FSTL4: variants seen among roughly 807,000 people sequenced by gnomAD.
FSTL4 encodes the protein follistatin like 4.
In FSTL4, 28 loss-of-function variants were observed where a neutral mutation model predicts 78.2. That is an observed-to-expected ratio of 0.36 (90% confidence interval 0.27 to 0.49). The LOEUF (loss-of-function observed/expected upper bound fraction) is 0.49. Ranked by LOEUF, FSTL4 falls within the 20% of genes least tolerant of loss-of-function variation. The pLI is 0.98. For missense variants in FSTL4, 922 were observed against 1,084.9 expected (o/e 0.85, Z 2.11); for synonymous variants, 422 against 440.5 (o/e 0.96, Z 0.53).
At chr5:133,739,752 CAAT>C in the FSTL4 span, among the ~76,000 whole-genome samples, 2 of 152,198 alleles carry the variant, frequency 1.3e-5, no homozygotes, top group African/African-American at 4.8e-5. Flanking sequence ...TTAATCTTTA[CAAT>C]AATACCTTCC....
intron 3 of FSTL4, among the ~76,000 whole-genome samples, chr5:133,500,304 C>T (rs1366884967): frequency 6.6e-6 from 1 of 152,132 alleles, no homozygotes; most frequent in Non-Finnish European, 1.5e-5. Context: ...TTTTGTATGC[C>T]AACGACCCTT....
At chr5:133,371,838 G>A (rs925984614) in intron 4 of FSTL4, among the ~76,000 whole-genome samples, 10 of 152,172 alleles carry the variant, frequency 6.6e-5, no homozygotes, top group African/African-American at 1.4e-4. Flanking sequence ...GTCAGACCTC[G>A]CTCCCGGGGC....
intron 6 of FSTL4, among the ~76,000 whole-genome samples, chr5:133,301,437 G>A (rs758155666): frequency 1.3e-5 from 2 of 152,156 alleles, no homozygotes; most frequent in African/African-American, 2.4e-5. Context: ...AGGCTCTGGA[G>A]AGTCATCAGC....
chr5:133,841,271 C>T, the FSTL4 span, among the ~76,000 whole-genome samples: 1 of 152,204 alleles, frequency 6.6e-6, no homozygotes, highest in Non-Finnish European at 1.5e-5. Context: ...CCACTACCAC[C>T]ATCACCCCTA....
the FSTL4 span, among the ~76,000 whole-genome samples, chr5:133,704,715 AC>A: frequency 1.3e-5 from 2 of 151,942 alleles, no homozygotes; most frequent in Non-Finnish European, 2.9e-5. Flanking sequence ...GCTTCACTCC[AC>A]CCCCTGGGGT....
At chr5:133,825,027 G>T in the FSTL4 span, among the ~76,000 whole-genome samples, 1 of 152,150 alleles carries the variant, frequency 6.6e-6, no homozygotes, top group African/African-American at 2.4e-5. Flanking sequence ...CAACCACAGG[G>T]CAAGAGTCCG....
chr5:133,231,834 C>T (rs1222542424), intron 8 of FSTL4, among the ~76,000 whole-genome samples: 3 of 152,192 alleles, frequency 2.0e-5, no homozygotes, highest in East Asian at 1.9e-4. Context: ...GCCAGCACAC[C>T]GGCCTCATTT....
intron 8 of FSTL4, among the ~76,000 whole-genome samples, chr5:133,227,806 C>T (rs545645312): frequency 6.6e-6 from 1 of 152,064 alleles, no homozygotes; most frequent in Non-Finnish European, 1.5e-5. Flanking sequence ...ACAAAACAGC[C>T]AAATTCCTGG....
the FSTL4 span, among the ~76,000 whole-genome samples, chr5:133,701,559 G>C: frequency 6.6e-6 from 1 of 150,606 alleles, no homozygotes; most frequent in Non-Finnish European, 1.5e-5. Context: ...GAGGAATGCA[G>C]GTGACCATGG....
the FSTL4 span, among the ~76,000 whole-genome samples, chr5:133,785,188 A>C: frequency 3.8e-4 from 58 of 152,336 alleles, no homozygotes; most frequent in Non-Finnish European, 7.2e-4. Flanking sequence ...CACTGAGGAC[A>C]TGCTGGTGAG....
rs59429459 is a variant in FSTL4 at position 133,512,280 on chromosome 5, G to A, written c.160+54906C>T. ...GTAGTCCAACACACAGTTCAGACTC[G>A]ATACTGATCATACAAATCTCCCCAC... is the stretch of plus-strand genomic sequence containing the variant. On this transcript the variant is annotated intron_variant, in intron 3 of 15. Transcript: ENST00000265342. Among the ~76,000 whole-genome samples the A allele has an allele frequency of 1.8e-3, 278 of 152,296 alleles. 1 individual carries two copies. The highest frequency in any genetic ancestry group is 6.4e-3 in the African/African-American group (265 of 41,554).
At chr5:133,541,927 G>GACACACAC (rs61471971) in intron 3 of FSTL4, among the ~76,000 whole-genome samples, 1,894 of 148,286 alleles carry the variant, frequency 0.013, 27 homozygotes, top group African/African-American at 0.034. Context: ...GAATGTTACA[G>GACACACAC]ACACACACAC....
intron 4 of FSTL4, among the ~76,000 whole-genome samples, chr5:133,383,583 G>A (rs1311764733): frequency 6.6e-6 from 1 of 152,164 alleles, no homozygotes; most frequent in African/African-American, 2.4e-5. Context: ...ACAGGCCCCA[G>A]GGCCCTGGGA....
chr5:133,558,636 T>A (rs1239403463), intron 3 of FSTL4, among the ~76,000 whole-genome samples: 1 of 152,160 alleles, frequency 6.6e-6, no homozygotes, highest in African/African-American at 2.4e-5. Context: ...TTTTTGTTTT[T>A]TTTTTTCTTT....
chr5:133,570,379 G>A (rs960646747), intron 2 of FSTL4, among the ~76,000 whole-genome samples: 2 of 152,054 alleles, frequency 1.3e-5, no homozygotes, highest in South Asian at 2.1e-4. Flanking sequence ...CTGGAGTGCA[G>A]TGGCACGATC....
At chr5:133,708,655 C>T in the FSTL4 span, among the ~76,000 whole-genome samples, 1 of 152,230 alleles carries the variant, frequency 6.6e-6, no homozygotes, top group South Asian at 2.1e-4. Context: ...TCCCTAGGCA[C>T]AGAGCCAAAG....
At chr5:133,819,924 G>A in the FSTL4 span, among the ~76,000 whole-genome samples, 7,543 of 152,124 alleles carry the variant, frequency 0.05, 305 homozygotes, top group African/African-American at 0.11. Flanking sequence ...CAGCCCCATC[G>A]GGCATTAGTT....
intron 6 of FSTL4, among the ~76,000 whole-genome samples, chr5:133,268,787 A>G (rs1405471954): frequency 6.6e-6 from 1 of 152,228 alleles, no homozygotes; most frequent in East Asian, 1.9e-4. Flanking sequence ...TCTGTGACCA[A>G]CGACGCCAAT....
At chr5:133,291,329 G>A (rs1449476653) in intron 6 of FSTL4, among the ~76,000 whole-genome samples, 3 of 152,148 alleles carry the variant, frequency 2.0e-5, no homozygotes, top group Admixed American at 6.5e-5. Flanking sequence ...CCCTCCCCAG[G>A]GCAGAGTAAA....
Sources: gnomAD v4.1 joint callset for allele counts (sites outside exome capture counted in the v4.1 genomes callset) on GRCh38, gnomAD v4.1.1 for gene constraint, MANE v1.5 for transcripts, NCBI Gene and HGNC (gene_info 2026-07-23, HGNC 2026-07-21) for gene names.